ARL6IP6: variants seen among roughly 807,000 people sequenced by gnomAD.
ARL6IP6 encodes ADP-ribosylation factor-like protein 6-interacting protein 6.
A neutral mutation model predicts 21.5 loss-of-function variants in ARL6IP6; 22 were observed. The ratio of observed to expected loss-of-function variants is 1.02; its 90% CI spans 0.73 to 1.46. The LOEUF (loss-of-function observed/expected upper bound fraction) is 1.46. Ranked by LOEUF, ARL6IP6 falls within the 40% of genes most tolerant of loss-of-function variation. The pLI, the probability that ARL6IP6 is intolerant of heterozygous loss-of-function variation, is 0.00. For synonymous variants in ARL6IP6, 164 were observed against 125.3 expected (o/e 1.31, Z -2.06); for missense variants, 388 against 299.8 (o/e 1.29, Z -2.17).
intron 3 of ARL6IP6, among the ~76,000 whole-genome samples, chr2:152,739,144 G>T (rs1213086339): frequency 6.6e-6 from 1 of 151,908 alleles, no homozygotes; most frequent in Non-Finnish European, 1.5e-5. Context: ...CACCACGCCC[G>T]GCTAATTTTT....
intron 1 of ARL6IP6, chr2:152,720,122 C>T (rs1699711334): frequency 2.1e-4 from 5 of 23,506 alleles, no homozygotes; most frequent in South Asian, 1.2e-3. Flanking sequence ...ATAGTTTTGT[C>T]TCCTAGGTGG....
chr2:152,744,211 A>G (rs1700944021), intron 3 of ARL6IP6, among the ~76,000 whole-genome samples: 1 of 152,186 alleles, frequency 6.6e-6, no homozygotes, highest in South Asian at 2.1e-4. Context: ...CATCTCACAG[A>G]TAGTCATTTT....
At chr2:152,753,102 G>A (rs1440239352) in intron 3 of ARL6IP6, among the ~76,000 whole-genome samples, 4 of 151,996 alleles carry the variant, frequency 2.6e-5, no homozygotes, top group Non-Finnish European at 4.4e-5. Flanking sequence ...TCATGCCACT[G>A]CAGTCCCGCC....
At chr2:152,732,591 T>C (rs1037399867) in intron 2 of ARL6IP6, 4 of 443,230 alleles carry the variant, frequency 9.0e-6, no homozygotes, top group Admixed American at 2.7e-5. Context: ...GTATGTTTTA[T>C]TTAAAAATTT....
intron 2 of ARL6IP6, chr2:152,732,533 A>G (rs766383598): frequency 6.1e-5 from 28 of 455,324 alleles, no homozygotes; most frequent in Admixed American, 3.3e-4. Flanking sequence ...GCTTCTAGGA[A>G]TTATCTGTAT....
intron 2 of ARL6IP6, among the ~76,000 whole-genome samples, chr2:152,731,706 A>G (rs114645464): frequency 0.011 from 1,666 of 152,220 alleles, 26 homozygotes; most frequent in African/African-American, 0.038. Context: ...GTATAGACTG[A>G]AAAGGCTTAC....
intron 2 of ARL6IP6, among the ~76,000 whole-genome samples, chr2:152,733,026 G>C (rs1700393620): frequency 6.6e-6 from 1 of 152,058 alleles, no homozygotes; most frequent in Non-Finnish European, 1.5e-5. Context: ...ATCATGGTTA[G>C]AAAGGTCTTT....
intron 2 of ARL6IP6, among the ~76,000 whole-genome samples, chr2:152,723,888 A>T (rs1034899989): frequency 6.6e-6 from 1 of 152,162 alleles, no homozygotes; most frequent in Non-Finnish European, 1.5e-5. Flanking sequence ...TCATCCTTAC[A>T]ATGAAAATTG....
intron 2 of ARL6IP6, among the ~76,000 whole-genome samples, chr2:152,723,919 C>CTTTTTA (rs1699908890): frequency 6.6e-6 from 1 of 152,054 alleles, no homozygotes; most frequent in Admixed American, 6.5e-5. Flanking sequence ...TGAACTTGAA[C>CTTTTTA]TTTTTAGCCA....
chr2:152,734,025 G>A (rs1223292661), intron 2 of ARL6IP6, among the ~76,000 whole-genome samples: 1 of 152,142 alleles, frequency 6.6e-6, no homozygotes, highest in Non-Finnish European at 1.5e-5. Context: ...AAAGGGAGTT[G>A]ACCACTTAAA....
chr2:152,722,796 T>C (rs1384269125), intron 2 of ARL6IP6, among the ~76,000 whole-genome samples: 1 of 152,164 alleles, frequency 6.6e-6, no homozygotes, highest in Non-Finnish European at 1.5e-5. Flanking sequence ...TAATCCCACC[T>C]ACTCGGGAGG....
At chr2:152,728,216 TA>T (rs1700134052) in intron 2 of ARL6IP6, among the ~76,000 whole-genome samples, 2 of 152,230 alleles carry the variant, frequency 1.3e-5, no homozygotes, top group African/African-American at 4.8e-5. Context: ...CCAGTTTATT[TA>T]AACATTTCAA....
intron 3 of ARL6IP6, among the ~76,000 whole-genome samples, chr2:152,741,830 G>A (rs1700824171): frequency 6.6e-6 from 1 of 152,200 alleles, no homozygotes; most frequent in Non-Finnish European, 1.5e-5. Flanking sequence ...AAAAGGTATA[G>A]TGCAATATCA....
intron 3 of ARL6IP6, among the ~76,000 whole-genome samples, chr2:152,744,251 T>C (rs940268317): frequency 7.2e-5 from 11 of 152,302 alleles, no homozygotes; most frequent in Admixed American, 6.5e-4. Context: ...AAAATTATTA[T>C]ATTTTTATCA....
At chr2:152,720,826 C>G (rs1377009436) in intron 2 of ARL6IP6, among the ~76,000 whole-genome samples, 3 of 152,106 alleles carry the variant, frequency 2.0e-5, no homozygotes, top group Non-Finnish European at 2.9e-5. Context: ...TGCAGTGGCT[C>G]ACATCTGTAA....
At chr2:152,735,351 C>T (rs1434562879) in intron 3 of ARL6IP6, among the ~76,000 whole-genome samples, 1 of 151,038 alleles carries the variant, frequency 6.6e-6, no homozygotes, top group Non-Finnish European at 1.5e-5. Flanking sequence ...AACTGAAATT[C>T]AGGGGCTTAT....
intron 3 of ARL6IP6, among the ~76,000 whole-genome samples, chr2:152,735,352 AG>A (rs149716837): frequency 0.042 from 6,328 of 152,212 alleles, 277 homozygotes; most frequent in African/African-American, 0.11. Flanking sequence ...ACTGAAATTC[AG>A]GGGCTTATTT....
intron 2 of ARL6IP6, among the ~76,000 whole-genome samples, chr2:152,727,740 G>C (rs533552062): frequency 6.8e-6 from 1 of 148,046 alleles, no homozygotes; most frequent in Admixed American, 7.0e-5. Flanking sequence ...TGTAGCATTG[G>C]AATAATAGGA....
intron 2 of ARL6IP6, among the ~76,000 whole-genome samples, chr2:152,731,451 G>C (rs957037501): frequency 6.6e-6 from 1 of 152,078 alleles, no homozygotes; most frequent in Admixed American, 6.6e-5. Flanking sequence ...TTGATAATTC[G>C]TAAGTCATCT....
Sources: allele counts gnomAD v4.1 joint callset (sites outside exome capture counted in the v4.1 genomes callset), GRCh38; gene constraint gnomAD v4.1.1; transcripts MANE v1.5; gene names NCBI Gene and HGNC (gene_info 2026-07-23, HGNC 2026-07-21).